Variants in PHF14 observed in about 807,000 individuals in gnomAD.
PHF14 encodes PHD finger protein 14.
In PHF14, 55 loss-of-function variants were observed where a neutral mutation model predicts 117.9. That is an observed-to-expected ratio of 0.47 (90% confidence interval 0.38 to 0.58). The LOEUF is 0.58. Ranked by LOEUF, PHF14 falls within the 20% of genes least tolerant of loss-of-function variation. The probability of loss-of-function intolerance (pLI) is 0.00; values close to 1 mark genes in which losing one functional copy is unlikely to be tolerated. For missense variants in PHF14, 978 were observed against 1,122.2 expected, an observed-to-expected ratio of 0.87 and a Z score of 1.84; for synonymous variants, 409 against 368.6, an observed-to-expected ratio of 1.11 and a Z score of -1.26.
chr7:11,038,851 G>C lies in PHF14; in HGVS notation c.2072G>C (p.Gly691Ala). 3.3e-6 allele frequency: 5 copies of C among 1,514,868 alleles called. No individual in the cohort carries two copies. Among genetic ancestry groups the C allele is most frequent in the Non-Finnish European group, 4.5e-6 (5 of 1,110,312 alleles). 93.8% of individuals were successfully genotyped at this position (1,514,868 alleles called of 1,614,324 possible). A position where few individuals can be genotyped will look rare whatever the true frequency, so the allele number is the denominator to read the frequency against. ...TGGGCTTTACTAGGCAGAATCACAG[G>C]GCAGGTTAGTTTCTTTCCAATTGCT... is the stretch of plus-strand genomic sequence containing the variant. ...GIWALLGRITGQKLNIPAILR... is the reference protein window; with the variant it reads ...GIWALLGRITAQKLNIPAILR... The change falls in exon 11 of 18, where the codon GGG (glycine) becomes GCG (alanine). Residue 691 changes from glycine to alanine, a missense_variant. By Grantham distance (60) the Gly-to-Ala change is moderately conservative. Around this residue, in one of 7 missense-constraint regions of PHF14, gnomAD observed 237 missense variants for 276.4 expected, o/e 0.86. Transcript: ENST00000634607.
At chr7:11,138,104 G>T (rs924140492) in intron 17 of PHF14, among the ~76,000 whole-genome samples, 3 of 150,776 alleles carry the variant, frequency 2.0e-5, no homozygotes, top group South Asian at 4.2e-4. Flanking sequence ...GCAGTGGCAC[G>T]ATCTTGGCTC....
At chr7:11,042,857 T>C (rs1282132135) in intron 13 of PHF14, 43 bp downstream of exon 13, 1 of 1,377,846 alleles carries the variant, frequency 7.3e-7, no homozygotes, top group African/African-American at 1.4e-5. Context: ...ATTGATTTAC[T>C]CTTAGTTTCA....
At chr7:11,091,593 A>G (rs1010907470) in intron 16 of PHF14, among the ~76,000 whole-genome samples, 3 of 152,062 alleles carry the variant, frequency 2.0e-5, no homozygotes, top group Non-Finnish European at 2.9e-5. Flanking sequence ...CGTCTCTACT[A>G]AAAATACAAG....
At chr7:11,105,852 A>C (rs1034624781) in intron 16 of PHF14, 1 of 984,566 alleles carries the variant, frequency 1.0e-6, no homozygotes, top group African/African-American at 1.7e-5. Context: ...GACACCCAGC[A>C]ATTATCTCAT....
At chr7:11,104,119 T>C in intron 16 of PHF14, 1 of 984,858 alleles carries the variant, frequency 1.0e-6, no homozygotes, top group Non-Finnish European at 1.2e-6. Flanking sequence ...TTATTTTAGG[T>C]TTTTTGAGAA....
intron 4 of PHF14, among the ~76,000 whole-genome samples, chr7:10,999,511 C>T (rs1782782746): frequency 6.6e-6 from 1 of 152,050 alleles, no homozygotes; most frequent in African/African-American, 2.4e-5. Flanking sequence ...TCAAAATGAC[C>T]CTCGCTCTCT....
chr7:11,144,415 C>T (rs1428576436), intron 17 of PHF14, among the ~76,000 whole-genome samples: 1 of 151,552 alleles, frequency 6.6e-6, no homozygotes, highest in Non-Finnish European at 1.5e-5. Flanking sequence ...ACCTGCACCC[C>T]CATGTTTATT....
intron 17 of PHF14, among the ~76,000 whole-genome samples, chr7:11,137,089 T>C (rs1306749221): frequency 2.0e-5 from 3 of 152,232 alleles, no homozygotes; most frequent in Admixed American, 6.5e-5. Context: ...ACTCCACGGC[T>C]TAAACCCTTC....
intron 16 of PHF14, among the ~76,000 whole-genome samples, chr7:11,072,131 G>A (rs2128333374): frequency 1.3e-5 from 2 of 152,202 alleles, no homozygotes; most frequent in East Asian, 3.9e-4. Context: ...AGGCTGTAAG[G>A]GAAGCATAGC....
At chr7:11,035,454 C>G (rs1187173994) in intron 7 of PHF14, 186 bp from the exon 8 acceptor site, 7 of 355,046 alleles carry the variant, frequency 2.0e-5, no homozygotes, top group Middle Eastern at 7.4e-4. Context: ...TTGAAGTTGA[C>G]ATACAAGATC....
chr7:10,976,709 C>A (rs1781878896), intron 2 of PHF14, among the ~76,000 whole-genome samples: 1 of 151,544 alleles, frequency 6.6e-6, no homozygotes, highest in Admixed American at 6.6e-5. Context: ...TTGTTAAATC[C>A]TAATTATAGT....
chr7:11,019,520 A>G (rs190009267), intron 5 of PHF14, among the ~76,000 whole-genome samples: 138 of 152,220 alleles, frequency 9.1e-4, no homozygotes, highest in African/African-American at 3.1e-3. Context: ...TTTCTAATTT[A>G]TTGGCATATA....
intron 16 of PHF14, chr7:11,103,548 A>G: frequency 1.0e-6 from 1 of 985,128 alleles, no homozygotes; most frequent in Non-Finnish European, 1.2e-6. Flanking sequence ...CTCAATCTTG[A>G]ACTGATTTAG....
At chr7:10,991,600 G>A (rs1311855235) in intron 4 of PHF14, among the ~76,000 whole-genome samples, 4 of 151,900 alleles carry the variant, frequency 2.6e-5, no homozygotes, top group Non-Finnish European at 4.4e-5. Context: ...GTAAGCCACC[G>A]CACCTGGTCC....
At chr7:11,121,705 T>G (rs776222159) in intron 17 of PHF14, among the ~76,000 whole-genome samples, 23 of 152,210 alleles carry the variant, frequency 1.5e-4, no homozygotes, top group Middle Eastern at 3.4e-3. Flanking sequence ...GCTAAGTGAC[T>G]AACGAGCAGG....
intron 17 of PHF14, among the ~76,000 whole-genome samples, chr7:11,168,019 CA>C (rs35327585): frequency 7.0e-4 from 86 of 122,536 alleles, no homozygotes; most frequent in Non-Finnish European, 6.2e-4. Context: ...GAGTCCGTCT[CA>C]AAAAAAAAAA....
rs139303463 is a variant in PHF14, at chr7:11,160,672, G to T, written c.2773-8744G>T. ...GATTTGCATTTCGCTGACAATTAGC[G>T]ATGTTGAGCATTTTTTCATATGTTT... On this transcript the variant is annotated intron_variant, in intron 17 of 17. Transcript: ENST00000634607. Among the ~76,000 whole-genome samples, 5 of 152,286 alleles carry T rather than the reference G, an allele frequency of 3.3e-5. No individual in the cohort carries two copies. The East Asian group carries it at 9.6e-4, about 29-fold the overall frequency.
chr7:11,053,845 A>G (rs1784927199), intron 14 of PHF14, among the ~76,000 whole-genome samples: 1 of 152,008 alleles, frequency 6.6e-6, no homozygotes, highest in African/African-American at 2.4e-5. Context: ...AAATTTGCTA[A>G]TATAATCCCA....
At chr7:10,983,316 CA>C (rs2128308284) in intron 3 of PHF14, among the ~76,000 whole-genome samples, 157 bp downstream of exon 3, 1 of 152,170 alleles carries the variant, frequency 6.6e-6, no homozygotes, top group African/African-American at 2.4e-5. Flanking sequence ...TTCATTTGGC[CA>C]ACAGACTTTT....
Sources: gnomAD v4.1 joint callset for allele counts (sites outside exome capture counted in the v4.1 genomes callset) on GRCh38, gnomAD v4.1.1 for gene constraint, gnomAD v4.1.1 regional missense constraint, MANE v1.5 for transcripts, NCBI Gene and HGNC (gene_info 2026-07-23, HGNC 2026-07-21) for gene names.